The following ZNF43 variants were observed in gnomAD, a reference collection of about 807,000 sequenced individuals.
ZNF43 encodes the protein zinc finger protein 43.
A neutral mutation model predicts 68.4 loss-of-function variants in ZNF43; 44 were observed. That is an observed-to-expected ratio of 0.64 (90% confidence interval 0.51 to 0.83). The LOEUF (loss-of-function observed/expected upper bound fraction) is 0.83. ZNF43 is among the 40% of genes least tolerant of loss of function. The pLI is 0.00. For synonymous variants in ZNF43, 308 were observed against 307.8 expected (o/e 1.00, Z -0.01); for missense variants, 896 against 933.2 (o/e 0.96, Z 0.52).
chr19:21,833,152 AAAGCT>A (rs1231605126), intron 1 of ZNF43, among the ~76,000 whole-genome samples: 8 of 152,222 alleles, frequency 5.3e-5, no homozygotes, highest in Admixed American at 3.3e-4. Flanking sequence ...TAGCATTCTA[AAAGCT>A]AAGCCTTGGA....
intron 1 of ZNF43, among the ~76,000 whole-genome samples, chr19:21,846,648 G>A (rs947682931): frequency 6.6e-6 from 1 of 152,044 alleles, no homozygotes; most frequent in African/African-American, 2.4e-5. Flanking sequence ...TTTGATGCTG[G>A]GTTCACCAAT....
chr19:21,824,303 T>C (rs2038002822), intron 1 of ZNF43, among the ~76,000 whole-genome samples: 1 of 152,186 alleles, frequency 6.6e-6, no homozygotes, highest in African/African-American at 2.4e-5. Context: ...TCGTATTTTA[T>C]GGGTAGGTAT....
chr19:21,811,142 G>T (rs1317735864), intron 3 of ZNF43, among the ~76,000 whole-genome samples: 1 of 152,118 alleles, frequency 6.6e-6, no homozygotes, highest in Admixed American at 6.5e-5. Flanking sequence ...GTCAATACAA[G>T]CTACAGTGGT....
At chr19:21,832,330 A>G (rs556532881) in intron 1 of ZNF43, among the ~76,000 whole-genome samples, 1 of 152,240 alleles carries the variant, frequency 6.6e-6, no homozygotes, top group Non-Finnish European at 1.5e-5. Flanking sequence ...AATACTACGT[A>G]GAAAACTGAA....
intron 1 of ZNF43, among the ~76,000 whole-genome samples, chr19:21,849,170 C>A (rs1004799738): frequency 6.6e-6 from 1 of 151,982 alleles, no homozygotes; most frequent in Non-Finnish European, 1.5e-5. Flanking sequence ...CTCTGTACCA[C>A]GAGAGATTTA....
chr19:21,827,488 A>T (rs1227273493), intron 1 of ZNF43, among the ~76,000 whole-genome samples: 1 of 151,560 alleles, frequency 6.6e-6, no homozygotes, highest in Non-Finnish European at 1.5e-5. Flanking sequence ...CAGCCTCCCA[A>T]GTAGCTGGGA....
In ZNF43 at chr19:21,807,460, A is replaced by G; in HGVS notation, c.*147T>C. The G allele has an allele frequency of 1.1e-5, 8 of 750,772 alleles. No individual in the cohort carries two copies. The highest frequency in any genetic ancestry group is 1.6e-5 in the Non-Finnish European group (8 of 490,102). The allele number at this position is 750,772 out of a possible 1,614,324, so 46.5% of individuals were successfully genotyped here. On this transcript the variant is annotated 3_prime_UTR_variant, in exon 4 of 4. Transcript: ENST00000354959. ...AAAATTCTTTCCTGTGCAATAAGGT[A>G]CGAGCATTAATTAAAAGTTTTGCCA...
chr19:21,849,403 G>A (rs1175757844), intron 1 of ZNF43, among the ~76,000 whole-genome samples: 3 of 146,722 alleles, frequency 2.0e-5, no homozygotes, highest in Admixed American at 7.1e-5. Flanking sequence ...CAGGAGAATC[G>A]CTTGAACCCA....
chr19:21,840,018 G>A (rs1012927833), upstream of ZNF43: 2 of 152,188 alleles, frequency 1.3e-5, no homozygotes, highest in African/African-American at 2.4e-5. Context: ...GGTAGAAAGA[G>A]AGTCACATTA....
intron 1 of ZNF43, among the ~76,000 whole-genome samples, chr19:21,833,288 A>G (rs957059290): frequency 2.6e-5 from 4 of 152,090 alleles, no homozygotes; most frequent in African/African-American, 9.7e-5. Context: ...TATTTTTTAA[A>G]CAGAGTTTCC....
intron 1 of ZNF43, among the ~76,000 whole-genome samples, chr19:21,828,407 A>C (rs532290377): frequency 6.7e-6 from 1 of 150,298 alleles, no homozygotes; most frequent in Non-Finnish European, 1.5e-5. Context: ...GTGAAACCCC[A>C]TCTCTCATAA....
At chr19:21,835,945 G>A (rs2038702478) in intron 1 of ZNF43, 91 bp downstream of exon 1, 4 of 1,601,890 alleles carry the variant, frequency 2.5e-6, no homozygotes, top group South Asian at 1.1e-5. Context: ...CAAGAACTCC[G>A]GCACGCGCAG....
chr19:21,832,327 C>A (rs565766829), intron 1 of ZNF43, among the ~76,000 whole-genome samples: 1 of 152,048 alleles, frequency 6.6e-6, no homozygotes, highest in South Asian at 2.1e-4. Flanking sequence ...GCTAATACTA[C>A]GTAGAAAACT....
intron 1 of ZNF43, chr19:21,843,260 G>C (rs1294339290): frequency 2.1e-6 from 1 of 477,242 alleles, no homozygotes; most frequent in African/African-American, 2.1e-5. Context: ...TCCCATCTGT[G>C]TACTGGGCCC....
At chr19:21,824,487 G>T (rs1453430216) in intron 1 of ZNF43, among the ~76,000 whole-genome samples, 3 of 152,006 alleles carry the variant, frequency 2.0e-5, no homozygotes, top group Non-Finnish European at 2.9e-5. Flanking sequence ...CTCTCAAAGG[G>T]GTCTTTAAGG....
rs772788968 is a variant in ZNF43 at position 21,808,754 on chromosome 19, C to T, written c.1283G>A (p.Cys428Tyr). Residue 428 changes from cysteine to tyrosine, a missense_variant, in exon 4 of 4, where the codon TGT becomes TAT. By Grantham distance (194) the Cys-to-Tyr change is radical. Transcript: ENST00000354959. ...LTHTGEKPYK[C>Y]EECGKAFNWP... ...GTTAAAGGCTTTGCCACATTCTTCA[C>T]ATTTGTAGGGTTTCTCTCCAGTATG... 3.7e-6 allele frequency: 6 copies of T among 1,612,068 alleles called. No individual in the cohort carries two copies. Among genetic ancestry groups the T allele is most frequent in the South Asian group, 1.1e-5 (1 of 90,986 alleles).
rs991619186 is a variant in ZNF43, at chr19:21,815,507, ATT to A, written c.229+2379_229+2380del. Among the ~76,000 whole-genome samples, 89 of 140,200 alleles carry A rather than the reference ATT, an allele frequency of 6.3e-4. 1 individual carries two copies. The highest frequency in any genetic ancestry group is 2.1e-3 in the African/African-American group (83 of 38,638). 92.0% of individuals were successfully genotyped at this position (140,200 alleles called of 152,430 possible). On this transcript the variant is annotated intron_variant, in intron 3 of 3. Coordinates refer to ENST00000354959, the MANE Select transcript of ZNF43 (RefSeq NM_003423.4). Reference sequence around the variant, plus strand: ...ATTACATATATATATATATATATATATTTTGCAGAATACGGTTACAGCCTCTG... The same window carrying A: ...ATTACATATATATATATATATATATATTGCAGAATACGGTTACAGCCTCTG...
chr19:21,818,446 A>G (rs535314992), intron 2 of ZNF43, among the ~76,000 whole-genome samples: 1 of 152,170 alleles, frequency 6.6e-6, no homozygotes, highest in Non-Finnish European at 1.5e-5. Flanking sequence ...TTTGAGACAG[A>G]GTCTCACTCT....
At position 21,813,770 on chromosome 19, in the gene ZNF43, T is replaced by A. The variant is rs952890244; in HGVS notation, c.230-3963A>T. ...ATTTTTATCATGAGTGAAAAGTACT[T>A]TTTTTTTTTTAAGACAGGTTCTCAC... On this transcript the variant is annotated intron_variant, in intron 3 of 3. Coordinates refer to ENST00000354959, the MANE Select transcript of ZNF43 (RefSeq NM_003423.4). Among the ~76,000 whole-genome samples the A allele has an allele frequency of 6.0e-5, 9 of 149,796 alleles. No individual in the cohort carries two copies. The South Asian group carries it at 1.1e-3, about 18-fold the overall frequency.
Sources: gnomAD v4.1 joint callset for allele counts (sites outside exome capture counted in the v4.1 genomes callset) on GRCh38, gnomAD v4.1.1 for gene constraint, MANE v1.5 for transcripts, NCBI Gene and HGNC (gene_info 2026-07-23, HGNC 2026-07-21) for gene names.